Variants in APBB2 observed in about 807,000 individuals in gnomAD.
APBB2 encodes Fe65-like 1.
Under a neutral mutation model 82.5 loss-of-function variants are expected in APBB2, and 38 were observed. That is an observed-to-expected ratio of 0.46 (90% CI 0.36 to 0.60). The LOEUF is 0.60. APBB2 is among the 20% of genes least tolerant of loss of function. The pLI is 0.00. For synonymous variants in APBB2, 341 were observed against 368.2 expected (o/e 0.93, Z 0.85); for missense variants, 772 against 972.3 (o/e 0.79, Z 2.74).
chr4:40,863,891 C>CAAA (rs60135616), intron 12 of APBB2, among the ~76,000 whole-genome samples: 455 of 32,988 alleles, frequency 0.014, 63 homozygotes, highest in African/African-American at 0.029. Context: ...GAGACTGTCT[C>CAAA]AAAAAAAAAA....
intron 1 of APBB2, among the ~76,000 whole-genome samples, chr4:41,191,522 G>A (rs1433234144): frequency 6.6e-6 from 1 of 152,190 alleles, no homozygotes; most frequent in African/African-American, 2.4e-5. Context: ...AATGGGGAAA[G>A]GATAGTCTCC....
chr4:41,107,437 T>C (rs1175226647), intron 2 of APBB2, among the ~76,000 whole-genome samples: 1 of 152,130 alleles, frequency 6.6e-6, no homozygotes, highest in Non-Finnish European at 1.5e-5. Context: ...CTAATAAATA[T>C]CAAAGGGAGA....
chr4:40,890,876 T>G, intron 11 of APBB2: 1 of 160,612 alleles, frequency 6.2e-6, no homozygotes, highest in Non-Finnish European at 1.4e-5. Context: ...TCTGGCCAGA[T>G]CCTACCAAGC....
At chr4:41,063,909 G>A (rs1019575916) in intron 4 of APBB2, among the ~76,000 whole-genome samples, 5 of 148,662 alleles carry the variant, frequency 3.4e-5, no homozygotes, top group Admixed American at 6.7e-5. Context: ...AAACTCCTGG[G>A]CTCAAGTGAT....
At chr4:41,138,871 A>T (rs1351140659) in intron 2 of APBB2, among the ~76,000 whole-genome samples, 2 of 152,228 alleles carry the variant, frequency 1.3e-5, no homozygotes, top group Non-Finnish European at 2.9e-5. Flanking sequence ...CAGTACTGAT[A>T]AACAGGTTCA....
At chr4:40,988,725 G>A (rs1801137489) in intron 6 of APBB2, among the ~76,000 whole-genome samples, 2 of 146,830 alleles carry the variant, frequency 1.4e-5, no homozygotes, top group Non-Finnish European at 3.0e-5. Flanking sequence ...TTACTGTGAC[G>A]AATGATAAAT....
At chr4:41,120,305 G>C (rs910206616) in intron 2 of APBB2, among the ~76,000 whole-genome samples, 3 of 152,114 alleles carry the variant, frequency 2.0e-5, no homozygotes, top group African/African-American at 7.2e-5. Flanking sequence ...TATATAAACC[G>C]ACTCAGGCCT....
rs1408507830 is a variant in APBB2 at position 41,214,518 on chromosome 4, G to T, written c.-530C>A. On this transcript the variant is annotated 5_prime_UTR_variant, in exon 1 of 18. Transcript: ENST00000508593. Reference sequence around the variant, plus strand: ...GTTACAGCGCACTAGCTTCCTACTTGAGACCAGAACGGGCTCCGGCAACTG... The same window carrying T: ...GTTACAGCGCACTAGCTTCCTACTTTAGACCAGAACGGGCTCCGGCAACTG... The T allele has an allele frequency of 6.6e-6, 1 of 152,350 alleles. No homozygotes were observed. The highest frequency in any genetic ancestry group is 1.5e-5 in the Non-Finnish European group (1 of 68,126). 9.4% of individuals were successfully genotyped at this position (152,350 alleles called of 1,614,324 possible). A position where few individuals can be genotyped will look rare whatever the true frequency, so the allele number is the denominator to read the frequency against.
chr4:40,841,932 G>A (rs575598153), intron 12 of APBB2, among the ~76,000 whole-genome samples: 26 of 152,246 alleles, frequency 1.7e-4, no homozygotes, highest in South Asian at 8.3e-4. Context: ...CACCTACCTC[G>A]GCCTCCCAAA....
chr4:41,013,980 C>T lies in APBB2; in HGVS notation c.438G>A (p.Ser146=), dbSNP rs778240657. 4.0e-5 allele frequency: 64 copies of T among 1,614,094 alleles called. 1 individual carries two copies. In the South Asian group the frequency reaches 5.7e-4, roughly 14 times the overall value. Residue 146 remains serine (S), a synonymous_variant, in exon 6 of 18, where the codon TCG becomes TCA. Coordinates refer to ENST00000508593, the MANE Select transcript of APBB2 (RefSeq NM_004307.2). ...EGKEPHPQDS[S]SCEILPSQPR... is the part of the protein sequence containing the mutation. ...GCTGGGAGGGTAAAATCTCACAGCT[C>T]GAGGAATCCTGTGGGTGGGGCTCTT...
At chr4:41,125,059 A>G (rs3098915) in intron 2 of APBB2, among the ~76,000 whole-genome samples, 4,808 of 152,124 alleles carry the variant, frequency 0.032, 98 homozygotes, top group Middle Eastern at 0.088. Context: ...TTTCAAACAC[A>G]CCCTGTTGTG....
At chr4:40,852,152 C>T (rs910183018) in intron 12 of APBB2, among the ~76,000 whole-genome samples, 3 of 151,876 alleles carry the variant, frequency 2.0e-5, no homozygotes, top group African/African-American at 7.3e-5. Context: ...GAGCTCAAAA[C>T]CAGCCTGGCG....
chr4:40,934,556 G>A (rs1338814944), intron 9 of APBB2, 40 bp from the exon 10 acceptor site: 12 of 1,611,818 alleles, frequency 7.4e-6, no homozygotes, highest in Non-Finnish European at 1.0e-5. Flanking sequence ...GAATTCTATT[G>A]CAAACTATCT....
intron 6 of APBB2, among the ~76,000 whole-genome samples, chr4:40,994,778 C>T (rs1372355446): frequency 7.1e-6 from 1 of 141,300 alleles, no homozygotes; most frequent in Non-Finnish European, 1.5e-5. Flanking sequence ...TGTGCCACTA[C>T]ACTCCAGCCT....
At chr4:40,875,415 C>A (rs988708027) in intron 12 of APBB2, among the ~76,000 whole-genome samples, 1 of 152,102 alleles carries the variant, frequency 6.6e-6, no homozygotes, top group African/African-American at 2.4e-5. Context: ...ACAATGCAAG[C>A]CACATTAAGT....
At chr4:41,168,933 TC>T (rs1767468620) in intron 1 of APBB2, among the ~76,000 whole-genome samples, 2 of 151,172 alleles carry the variant, frequency 1.3e-5, no homozygotes, top group African/African-American at 4.9e-5. Context: ...ATGCCTGTAA[TC>T]CCAGCACTTT....
rs890504303 is a variant in APBB2, at chr4:41,214,479, C to T, written c.-491G>A. ...TCCAGTCTCGCCCTTCCCGGAGCGC[C>T]CAGATCAGATGCGGTTACAGCGCAC... On this transcript the variant is annotated 5_prime_UTR_variant, in exon 1 of 18. Coordinates refer to ENST00000508593, the MANE Select transcript of APBB2 (RefSeq NM_004307.2). The T allele has an allele frequency of 1.3e-5, 2 of 152,448 alleles. No homozygotes were observed. The highest frequency in any genetic ancestry group is 2.9e-5 in the Non-Finnish European group (2 of 68,220). 9.4% of individuals were successfully genotyped at this position (152,448 alleles called of 1,614,324 possible).
intron 6 of APBB2, among the ~76,000 whole-genome samples, chr4:40,946,448 T>C (rs937174513): frequency 3.1e-5 from 4 of 131,114 alleles, no homozygotes; most frequent in Admixed American, 7.9e-5. Context: ...AACACTGCGA[T>C]GGCCAAATAA....
chr4:41,196,116 G>A lies in APBB2; in HGVS notation c.-417+18289C>T. ...GGAGCTTGCAGTGAGCCAAGATCCC[G>A]CCACTGCACTCCAGCCTGGTCGACA... On this transcript the variant is annotated intron_variant, in intron 1 of 17. Coordinates refer to ENST00000508593, the MANE Select transcript of APBB2 (RefSeq NM_004307.2). 8.3e-3 allele frequency among the ~76,000 whole-genome samples: 1,249 copies of A among 150,910 alleles called. 6 individuals are homozygous for A. Among genetic ancestry groups the A allele is most frequent in the African/African-American group, 0.015 (599 of 40,914 alleles).
Sources: allele counts gnomAD v4.1 joint callset (sites outside exome capture counted in the v4.1 genomes callset), GRCh38; gene constraint gnomAD v4.1.1; transcripts MANE v1.5; gene names NCBI Gene and HGNC (gene_info 2026-07-23, HGNC 2026-07-21).